ATP8A2: variants seen among roughly 807,000 people sequenced by gnomAD.
ATP8A2 encodes the protein phospholipid-transporting ATPase IB.
ATP8A2 carries 100 observed loss-of-function variants against 165.6 expected under a neutral mutation model. The observed-to-expected ratio is 0.60, with a 90% CI of 0.51 to 0.71. The LOEUF is 0.71. ATP8A2 is among the 30% of genes least tolerant of loss of function. The pLI is 0.00. For synonymous variants in ATP8A2, 543 were observed against 548.8 expected (o/e 0.99, Z 0.15); for missense variants, 1,227 against 1,479.5 (o/e 0.83, Z 2.80).
intron 35 of ATP8A2, among the ~76,000 whole-genome samples, chr13:25,984,106 G>A (rs1956225331): frequency 6.6e-6 from 1 of 151,994 alleles, no homozygotes; most frequent in Non-Finnish European, 1.5e-5. Flanking sequence ...GTGTGGTGGT[G>A]CGTGCATGTG....
chr13:26,012,208 G>A (rs1270679658), intron 35 of ATP8A2, among the ~76,000 whole-genome samples: 1 of 152,186 alleles, frequency 6.6e-6, no homozygotes, highest in Non-Finnish European at 1.5e-5. Context: ...GCGCGGAGAT[G>A]TTTACCCGGA....
chr13:25,378,066 T>C (rs1403500384), intron 1 of ATP8A2, among the ~76,000 whole-genome samples: 1 of 151,846 alleles, frequency 6.6e-6, no homozygotes, highest in Non-Finnish European at 1.5e-5. Flanking sequence ...TGCAATGAGC[T>C]ACTGCACCAG....
At chr13:25,745,132 G>A (rs967814010) in intron 25 of ATP8A2, among the ~76,000 whole-genome samples, 1 of 152,064 alleles carries the variant, frequency 6.6e-6, no homozygotes, top group Non-Finnish European at 1.5e-5. Context: ...TAGTAGAGAC[G>A]GGGTTTTGCC....
chr13:25,711,260 C>T (rs1401562893), intron 25 of ATP8A2, among the ~76,000 whole-genome samples: 1 of 152,180 alleles, frequency 6.6e-6, no homozygotes, highest in Non-Finnish European at 1.5e-5. Flanking sequence ...CCTCCTCGGC[C>T]TCCCAGAGTG....
At position 25,593,563 on chromosome 13, in the gene ATP8A2, A is replaced by G. The variant is rs952144874; in HGVS notation, c.2211+3864A>G. 2.0e-5 allele frequency among the ~76,000 whole-genome samples: 3 copies of G among 152,156 alleles called. No individual in the cohort carries two copies. The East Asian group carries it at 5.8e-4, about 29-fold the overall frequency. On this transcript the variant is annotated intron_variant, in intron 24 of 36. Coordinates refer to ENST00000381655, the MANE Select transcript of ATP8A2 (RefSeq NM_016529.6). ...GCTGGAAAAAAAGTTGTGGTTTCCT[A>G]TTTTTTCAGTTAGAAAAGTACTGAG...
intron 33 of ATP8A2, among the ~76,000 whole-genome samples, chr13:25,886,453 C>T (rs1486740593): frequency 6.6e-6 from 1 of 152,186 alleles, no homozygotes; most frequent in Non-Finnish European, 1.5e-5. Flanking sequence ...CAATGCCTGG[C>T]AAATGCTGCC....
chr13:25,477,117 C>T (rs577645157), intron 2 of ATP8A2, among the ~76,000 whole-genome samples: 1 of 152,272 alleles, frequency 6.6e-6, no homozygotes, highest in East Asian at 1.9e-4. Context: ...TCTAAGAGGA[C>T]AGACTTTCAT....
intron 1 of ATP8A2, among the ~76,000 whole-genome samples, chr13:25,396,150 A>G (rs1354416292): frequency 6.6e-6 from 1 of 152,012 alleles, no homozygotes; most frequent in African/African-American, 2.4e-5. Context: ...CCCTGATCCA[A>G]TGTTAATAGA....
intron 33 of ATP8A2, among the ~76,000 whole-genome samples, chr13:25,939,639 G>A (rs1335712466): frequency 1.3e-5 from 2 of 152,154 alleles, no homozygotes; most frequent in African/African-American, 2.4e-5. Flanking sequence ...GCTCCTGGGA[G>A]GTCCATGTCC....
chr13:25,547,548 G>T (rs2038690374), intron 10 of ATP8A2, among the ~76,000 whole-genome samples: 2 of 152,100 alleles, frequency 1.3e-5, no homozygotes, highest in African/African-American at 4.8e-5. Context: ...CAAGCTCAGG[G>T]CTCCCACTGA....
intron 33 of ATP8A2, among the ~76,000 whole-genome samples, chr13:25,877,524 CT>C (rs1269640957): frequency 2.6e-5 from 4 of 152,144 alleles, no homozygotes; most frequent in African/African-American, 9.7e-5. Context: ...CTCTTGCCTT[CT>C]TTAAGTTAGT....
Position 25,516,236 on chromosome 13 carries a change from A to AC in ATP8A2, c.222-13763_222-13762insC, listed in dbSNP as rs2037464628. On this transcript the variant is annotated intron_variant, in intron 2 of 36. Transcript: ENST00000381655. Reference sequence around the variant, plus strand: ...AGTTCCTGAACCCTGTCTCCTTGGGAAGTGTCTTTTCTGACAAGGTATGTC... The same window carrying AC: ...AGTTCCTGAACCCTGTCTCCTTGGGACAGTGTCTTTTCTGACAAGGTATGTC... 3.2e-4 allele frequency among the ~76,000 whole-genome samples: 48 copies of AC among 151,982 alleles called. No homozygotes were observed. The South Asian group carries it at 9.8e-3, about 31-fold the overall frequency.
chr13:25,439,858 G>T (rs1170407277), intron 1 of ATP8A2, among the ~76,000 whole-genome samples: 1 of 151,886 alleles, frequency 6.6e-6, no homozygotes, highest in East Asian at 1.9e-4. Context: ...GGTAAGCTAT[G>T]ATTGTGCCAC....
Position 25,488,129 on chromosome 13 carries a change from A to G in ATP8A2, c.221+19008A>G, listed in dbSNP as rs144549424. Among the ~76,000 whole-genome samples, 313 of 152,308 alleles carry G rather than the reference A, an allele frequency of 2.1e-3. 3 individuals carry two copies. The highest frequency in any genetic ancestry group is 6.5e-3 in the African/African-American group (269 of 41,566). On this transcript the variant is annotated intron_variant, in intron 2 of 36. Coordinates refer to ENST00000381655, the MANE Select transcript of ATP8A2 (RefSeq NM_016529.6). ...TCCCTTCCTGTTTGACAGGTTGGGT[A>G]GGCTTGTTGCTCTTTTTTCTTTCTT...
chr13:25,375,872 G>A (rs2032606327), intron 1 of ATP8A2, among the ~76,000 whole-genome samples: 1 of 151,960 alleles, frequency 6.6e-6, no homozygotes, highest in African/African-American at 2.4e-5. Flanking sequence ...TTTGGACCAG[G>A]ACTACAAACC....
Position 25,862,389 on chromosome 13 carries a change from C to A in ATP8A2, c.3164C>A (p.Ala1055Asp), listed in dbSNP as rs2138765958. ...YSTIWPTIPI[A>D]PDMRGQATMV... is the part of the protein sequence containing the mutation. ...ACCATCTGGCCCACCATTCCCATTG[C>A]TCCAGATATGAGAGGACAGGTAAGT... Residue 1055 changes from alanine (A) to aspartate (D), a missense_variant, in exon 33 of 37, where the codon GCT becomes GAT. Ala to Asp is a moderately radical substitution (Grantham distance 126). Coordinates refer to ENST00000381655, the MANE Select transcript of ATP8A2 (RefSeq NM_016529.6). 1 of 1,613,700 alleles carries A rather than the reference C, an allele frequency of 6.2e-7. No homozygotes were observed. Among genetic ancestry groups the A allele is most frequent in the Non-Finnish European group, 8.5e-7 (1 of 1,179,646 alleles).
At chr13:25,533,967 ACT>A (rs773816496) in intron 6 of ATP8A2, among the ~76,000 whole-genome samples, 4 of 152,106 alleles carry the variant, frequency 2.6e-5, no homozygotes, top group Non-Finnish European at 5.9e-5. Flanking sequence ...TTGGGGGATG[ACT>A]CTCATTAGTC....
At chr13:25,768,625 C>T (rs1375694608) in intron 25 of ATP8A2, among the ~76,000 whole-genome samples, 1 of 152,136 alleles carries the variant, frequency 6.6e-6, no homozygotes, top group African/African-American at 2.4e-5. Flanking sequence ...AGAAAATTCC[C>T]TTGCCAGCCC....
chr13:25,589,676 C>G lies in ATP8A2; in HGVS notation c.2188C>G (p.Leu730Val), dbSNP rs767744432. ...RLVSQNMALI[L>V]LKEDSLDATR... ...GGTATCGCAGAATATGGCCCTTATCCTATTGAAGGAGGACTCTTTGGATGT... is the reference window on the plus strand; with the variant it reads ...GGTATCGCAGAATATGGCCCTTATCGTATTGAAGGAGGACTCTTTGGATGT... Residue 730 changes from leucine to valine, a missense_variant, in exon 24 of 37, where the codon CTA (leucine) becomes GTA (valine). Physicochemically the swap from Leu to Val is conservative, Grantham distance 32 (BLOSUM62 1). Around this residue, in one of 5 missense-constraint regions of ATP8A2, gnomAD observed 592 missense variants for 785.6 expected, o/e 0.75. Transcript: ENST00000381655. 12 of 1,611,148 alleles carry G rather than the reference C, an allele frequency of 7.4e-6. No homozygotes were observed. In the East Asian group the frequency reaches 2.0e-4, roughly 27 times the overall value.
Sources: allele counts gnomAD v4.1 joint callset (sites outside exome capture counted in the v4.1 genomes callset), GRCh38; gene constraint gnomAD v4.1.1; regional missense constraint gnomAD v4.1.1; transcripts MANE v1.5; gene names NCBI Gene and HGNC (gene_info 2026-07-23, HGNC 2026-07-21).